HLCS: variants seen among roughly 807,000 people sequenced by gnomAD.
The protein encoded by HLCS is biotin--protein ligase.
HLCS carries 53 observed loss-of-function variants against 75.0 expected under a neutral mutation model. That is an observed-to-expected ratio of 0.71 (90% CI 0.57 to 0.89). The LOEUF is 0.89. Among genes scored for constraint, HLCS ranks in the 40% least tolerant of loss-of-function variants. The pLI, the probability that HLCS is intolerant of heterozygous loss-of-function variation, is 0.00. For missense variants in HLCS, 966 were observed against 1,074.0 expected (o/e 0.90, Z 1.41); for synonymous variants, 431 against 428.6 (o/e 1.01, Z -0.07).
chr21:36,985,532 C>A (rs1447657729), intron 1 of HLCS, among the ~76,000 whole-genome samples: 1 of 152,180 alleles, frequency 6.6e-6, no homozygotes. Flanking sequence ...CTTTGGGAGG[C>A]CGAGGCGGGC....
At position 36,749,673 on chromosome 21, in the gene HLCS, A is replaced by C. The variant is rs2089308942; in HGVS notation, c.*4573T>G. On this transcript the variant is annotated 3_prime_UTR_variant, in exon 11 of 11. Transcript: ENST00000674895. ...CCTTGTGAGTGTGTGCACAGGAAAT[A>C]AGCCGAGGGTATTATTTTTTTATGT... The C allele has an allele frequency of 6.6e-6, 1 of 152,186 alleles. No homozygotes were observed. The highest frequency in any genetic ancestry group is 2.1e-4 in the South Asian group (1 of 4,834). The allele number at this position is 152,186 out of a possible 1,614,324, so 9.4% of individuals were successfully genotyped here.
At chr21:36,923,991 C>T (rs982193757) in intron 5 of HLCS, among the ~76,000 whole-genome samples, 2 of 152,134 alleles carry the variant, frequency 1.3e-5, no homozygotes, top group Non-Finnish European at 2.9e-5. Flanking sequence ...TAGCCGGTGC[C>T]GTATTGTAAA....
chr21:36,848,045 C>T lies in HLCS; in HGVS notation c.1892+48815G>A, dbSNP rs1401239035. 2.6e-5 allele frequency among the ~76,000 whole-genome samples: 4 copies of T among 152,152 alleles called. No individual in the cohort carries two copies. The East Asian group carries it at 7.7e-4, about 29-fold the overall frequency. ...TCCCATTATTAAACACCAAGAACAG[C>T]TTCTATTTTTCTGTATTATAAATGG... On this transcript the variant is annotated intron_variant, in intron 6 of 10. Coordinates refer to ENST00000674895, the MANE Select transcript of HLCS (RefSeq NM_001352514.2).
At chr21:36,845,503 T>TCTA (rs1231106411) in intron 6 of HLCS, among the ~76,000 whole-genome samples, 1 of 152,078 alleles carries the variant, frequency 6.6e-6, no homozygotes, top group Non-Finnish European at 1.5e-5. Flanking sequence ...CTATCCCTCT[T>TCTA]CTAAGTAGGT....
At chr21:36,823,691 T>G (rs1262552324) in intron 6 of HLCS, among the ~76,000 whole-genome samples, 1 of 150,854 alleles carries the variant, frequency 6.6e-6, no homozygotes, top group Non-Finnish European at 1.5e-5. Context: ...ATAATTTATT[T>G]TATAAGTTTA....
intron 5 of HLCS, among the ~76,000 whole-genome samples, chr21:36,922,890 A>T (rs1336152015): frequency 6.6e-6 from 1 of 152,272 alleles, no homozygotes; most frequent in Non-Finnish European, 1.5e-5. Context: ...GCATGGAAAC[A>T]AAATGTGCTC....
chr21:36,839,740 A>C (rs898264277), intron 6 of HLCS, among the ~76,000 whole-genome samples: 1 of 152,242 alleles, frequency 6.6e-6, no homozygotes, highest in Non-Finnish European at 1.5e-5. Context: ...TGAAAATTCC[A>C]AAATGTCTTC....
chr21:36,814,502 C>A (rs1189369858), intron 6 of HLCS, among the ~76,000 whole-genome samples: 1 of 152,220 alleles, frequency 6.6e-6, no homozygotes, highest in East Asian at 1.9e-4. Context: ...ATGAACAGGG[C>A]ATCCCGGATT....
At chr21:36,968,409 C>T (rs1160410215), upstream of HLCS, 1 of 152,148 alleles carries the variant, frequency 6.6e-6, no homozygotes, top group African/African-American at 2.4e-5. Flanking sequence ...ATATTTTCCC[C>T]CTTGCATATA....
chr21:36,791,964 T>C (rs1408264734), intron 6 of HLCS, among the ~76,000 whole-genome samples: 2 of 152,170 alleles, frequency 1.3e-5, no homozygotes, highest in South Asian at 2.1e-4. Context: ...GGTTTCCCAC[T>C]GTGAAGCCAT....
intron 6 of HLCS, among the ~76,000 whole-genome samples, chr21:36,840,894 T>A (rs1310855987): frequency 6.6e-6 from 1 of 152,170 alleles, no homozygotes; most frequent in African/African-American, 2.4e-5. Context: ...ATTACAGGTG[T>A]GAGCCACAGC....
At position 36,835,839 on chromosome 21, in the gene HLCS, G is replaced by C. The variant is rs552810906; in HGVS notation, c.1892+61021C>G. ...ATTTTAGACATGAGAACATTCCTTC[G>C]GGCATGTCAGAGGTGATGCTCTTTC... On this transcript the variant is annotated intron_variant, in intron 6 of 10. Coordinates refer to ENST00000674895, the MANE Select transcript of HLCS (RefSeq NM_001352514.2). Among the ~76,000 whole-genome samples, 162 of 152,054 alleles carry C rather than the reference G, an allele frequency of 1.1e-3. 1 individual carries two copies. Among genetic ancestry groups the C allele is most frequent in the Non-Finnish European group, 1.1e-3 (78 of 67,986 alleles).
intron 8 of HLCS, among the ~76,000 whole-genome samples, chr21:36,761,610 G>C (rs760821014): frequency 6.6e-6 from 1 of 152,156 alleles, no homozygotes; most frequent in Non-Finnish European, 1.5e-5. Context: ...GGCGTCTAGA[G>C]AGTAGAGGCC....
rs908452359 is a variant in HLCS, at chr21:36,756,570, G to A, written c.2422C>T (p.Pro808Ser). The change falls in exon 10 of 11, where the codon CCC becomes TCC. Residue 808 changes from proline to serine, a missense_variant. Physicochemically the swap from Pro to Ser is moderately conservative, Grantham distance 74. Coordinates refer to ENST00000674895, the MANE Select transcript of HLCS (RefSeq NM_001352514.2). Reference sequence around the variant, plus strand: ...TGGACCCAGTATCGGTAATAAAGGGGAAGGACGCTGTTGGGCCCTTTGTCC... The same window carrying A: ...TGGACCCAGTATCGGTAATAAAGGGAAAGGACGCTGTTGGGCCCTTTGTCC... ...FQDKGPNSVLPLYYRYWVHSG... is the reference protein window; with the variant it reads ...FQDKGPNSVLSLYYRYWVHSG... 1.4e-5 allele frequency: 22 copies of A among 1,613,558 alleles called. No individual in the cohort carries two copies. Among genetic ancestry groups the A allele is most frequent in the Admixed American group, 3.3e-5 (2 of 59,962 alleles).
intron 2 of HLCS, among the ~76,000 whole-genome samples, chr21:36,954,783 C>T (rs550025136): frequency 9.3e-5 from 14 of 151,310 alleles, no homozygotes; most frequent in African/African-American, 3.4e-4. Flanking sequence ...AAAAAAACAG[C>T]TGGGTGTGGT....
At chr21:36,870,613 A>G (rs889598039) in intron 6 of HLCS, among the ~76,000 whole-genome samples, 1 of 152,194 alleles carries the variant, frequency 6.6e-6, no homozygotes, top group African/African-American at 2.4e-5. Context: ...GTGAGAAGTG[A>G]TTGTTTCGGA....
chr21:36,911,694 A>G (rs2065715680), intron 5 of HLCS, among the ~76,000 whole-genome samples: 1 of 135,892 alleles, frequency 7.4e-6, no homozygotes, highest in Non-Finnish European at 1.5e-5. Flanking sequence ...GCTTGCAGTG[A>G]GCCGAGATCG....
intron 5 of HLCS, among the ~76,000 whole-genome samples, chr21:36,925,004 C>T (rs796648493): frequency 2.0e-5 from 3 of 152,042 alleles, no homozygotes; most frequent in Admixed American, 6.5e-5. Flanking sequence ...AAGGACTTCC[C>T]GGAGTAGAAG....
At chr21:36,760,608 T>C (rs2089796873) in intron 8 of HLCS, among the ~76,000 whole-genome samples, 1 of 132,564 alleles carries the variant, frequency 7.5e-6, no homozygotes, top group South Asian at 2.3e-4. Context: ...AGACTCTGTC[T>C]CAAAAAAAAA....
Sources: gnomAD v4.1 joint callset for allele counts (sites outside exome capture counted in the v4.1 genomes callset) on GRCh38, gnomAD v4.1.1 for gene constraint, MANE v1.5 for transcripts, NCBI Gene and HGNC (gene_info 2026-07-23, HGNC 2026-07-21) for gene names.